Variants in RBP3 observed in about 807,000 individuals in gnomAD.
RBP3 encodes retinol-binding protein 3.
A neutral mutation model predicts 64.8 loss-of-function variants in RBP3; 50 were observed. The observed-to-expected ratio is 0.77, with a 90% CI of 0.61 to 0.98. RBP3 has a LOEUF of 0.98. Among genes scored for constraint, RBP3 ranks in the 50% least tolerant of loss-of-function variants. RBP3 has a pLI of 0.00. For synonymous variants in RBP3, 828 were observed against 730.2 expected, an observed-to-expected ratio of 1.13 and a Z score of -2.16; for missense variants, 1,712 against 1,660.5, an observed-to-expected ratio of 1.03 and a Z score of -0.54.
chr10:47,351,493 C>T lies in RBP3; in HGVS notation c.3009C>T (p.Ile1003=). 1 of 1,613,836 alleles carries T rather than the reference C, an allele frequency of 6.2e-7. No individual in the cohort carries two copies. Among genetic ancestry groups the T allele is most frequent in the Non-Finnish European group, 8.5e-7 (1 of 1,180,048 alleles). ...SGDPHLKAAH[I]PENAKDRIPG... ...ACCCACACCTGAAGGCAGCCCATAT[C>T]CCTGAGAATGCCAAGGACCGCATTC... Residue 1003 remains isoleucine, a synonymous_variant, in exon 1 of 4, where the codon ATC becomes ATT. Transcript: ENST00000584701.
At position 47,350,602 on chromosome 10, in the gene RBP3, C is replaced by A. The variant is rs782605269; in HGVS notation, c.2118C>A (p.Gly706=). Residue 706 remains glycine, a synonymous_variant, in exon 1 of 4, where the codon GGC becomes GGA. Coordinates refer to ENST00000584701, the MANE Select transcript of RBP3 (RefSeq NM_002900.3). ...DHRLLVFHSP[G]ELVVEEAPPP... is the part of the protein sequence containing the mutation. ...GCTTGCTAGTGTTCCACAGCCCTGG[C>A]GAGCTGGTGGTAGAGGAAGCACCCC... 3.7e-6 allele frequency: 6 copies of A among 1,612,934 alleles called. No homozygotes were observed. The East Asian group carries it at 6.7e-5, about 18-fold the overall frequency.
In RBP3 at chr10:47,348,554, C is replaced by T; in HGVS notation, c.70C>T (p.Gln24Ter). ...CCTGGCTGGCCCCACACACCTGTTC[C>T]AGCCAAGCCTGGTGCTGGACATGGC... is the stretch of plus-strand genomic sequence containing the variant. The part of the protein sequence containing the change: ...CGLAGPTHLF[Q>*]PSLVLDMAKV... Residue 24 changes from glutamine (Q) to a stop codon, truncating the protein, a stop_gained, in exon 1 of 4, where the codon CAG becomes TAG. Coordinates refer to ENST00000584701, the MANE Select transcript of RBP3 (RefSeq NM_002900.3). LOFTEE classifies it high-confidence loss of function. 1.9e-6 allele frequency: 3 copies of T among 1,612,554 alleles called. No individual in the cohort carries two copies. Among genetic ancestry groups the T allele is most frequent in the Non-Finnish European group, 2.5e-6 (3 of 1,180,024 alleles).
rs201572374 is a variant in RBP3, at chr10:47,349,899, A to G, written c.1415A>G (p.Glu472Gly). The change falls in exon 1 of 4, where the codon GAG becomes GGG. Residue 472 changes from glutamate to glycine, a missense_variant. Physicochemically the swap from Glu to Gly is moderately conservative, Grantham distance 98. Coordinates refer to ENST00000584701, the MANE Select transcript of RBP3 (RefSeq NM_002900.3). The part of the protein sequence containing the change: ...RQVWEPLQDT[E>G]HLIMDLRHNP... ...GTGTGGGAGCCGCTACAGGACACGG[A>G]GCACCTCATCATGGACCTGCGCCAC... 6.2e-7 allele frequency: 1 copy of G among 1,613,010 alleles called. No homozygotes were observed. Among genetic ancestry groups the G allele is most frequent in the Non-Finnish European group, 8.5e-7 (1 of 1,179,940 alleles).
In RBP3 at chr10:47,350,924, G is replaced by A; in HGVS notation, c.2440G>A (p.Asp814Asn). The change falls in exon 1 of 4, where the codon GAC becomes AAC. Residue 814 changes from aspartate to asparagine, a missense_variant. Coordinates refer to ENST00000584701, the MANE Select transcript of RBP3 (RefSeq NM_002900.3). ...CCGCCAGCACCTGTATTCTGTCTTTGACAGGGCCACCTCAAAAGTCACGGA... is the reference window on the plus strand; with the variant it reads ...CCGCCAGCACCTGTATTCTGTCTTTAACAGGGCCACCTCAAAAGTCACGGA... ...EPRQHLYSVF[D>N]RATSKVTEVW... 2 of 1,613,026 alleles carry A rather than the reference G, an allele frequency of 1.2e-6. No individual in the cohort carries two copies. Among genetic ancestry groups the A allele is most frequent in the Non-Finnish European group, 1.7e-6 (2 of 1,180,010 alleles).
intron 3 of RBP3, among the ~76,000 whole-genome samples, chr10:47,356,773 C>A (rs1837052194): frequency 6.6e-6 from 1 of 152,154 alleles, no homozygotes; most frequent in Non-Finnish European, 1.5e-5. Flanking sequence ...AAAAGGAAGT[C>A]AGGTCGGTTT....
chr10:47,350,931 C>T lies in RBP3; in HGVS notation c.2447C>T (p.Ala816Val), dbSNP rs1555211473. The part of the protein sequence containing the change: ...RQHLYSVFDR[A>V]TSKVTEVWTL... ...CACCTGTATTCTGTCTTTGACAGGGCCACCTCAAAAGTCACGGAGGTGTGG... is the reference window on the plus strand; with the variant it reads ...CACCTGTATTCTGTCTTTGACAGGGTCACCTCAAAAGTCACGGAGGTGTGG... Residue 816 changes from alanine (A) to valine (V), a missense_variant, in exon 1 of 4, where the codon GCC becomes GTC. Physicochemically the swap from Ala to Val is moderately conservative, Grantham distance 64. Transcript: ENST00000584701. The T allele has an allele frequency of 1.9e-6, 3 of 1,612,972 alleles. No individual in the cohort carries two copies. The highest frequency in any genetic ancestry group is 1.1e-5 in the South Asian group (1 of 91,062).
Position 47,348,749 on chromosome 10 carries a change from A to G in RBP3, c.265A>G (p.Ile89Val), listed in dbSNP as rs782765523. The change falls in exon 1 of 4, where the codon ATC becomes GTC. Residue 89 changes from isoleucine to valine, a missense_variant. Transcript: ENST00000584701. ...CTCCCTGAACGATCCTCGCCTGGTC[A>G]TCTCCTATGAGCCCAGCACCCCCGA... ...QSSLNDPRLVISYEPSTPEPP... is the reference protein window; with the variant it reads ...QSSLNDPRLVVSYEPSTPEPP... The G allele has an allele frequency of 6.8e-6, 11 of 1,613,436 alleles. No homozygotes were observed. The South Asian group carries it at 7.7e-5, about 11-fold the overall frequency.
intron 3 of RBP3, among the ~76,000 whole-genome samples, chr10:47,356,843 T>G (rs1837053085): frequency 6.6e-6 from 1 of 152,226 alleles, no homozygotes; most frequent in Non-Finnish European, 1.5e-5. Flanking sequence ...GTCAAGCCTT[T>G]CCTATCACTT....
chr10:47,357,162 C>T lies in RBP3; in HGVS notation c.3449C>T (p.Thr1150Ile). 6.2e-7 allele frequency: 1 copy of T among 1,613,600 alleles called. No homozygotes were observed. The highest frequency in any genetic ancestry group is 8.5e-7 in the Non-Finnish European group (1 of 1,179,958). The change falls in exon 4 of 4, where the codon ACC becomes ATC. Residue 1150 changes from threonine (T) to isoleucine (I), a missense_variant. By Grantham distance (89) the Thr-to-Ile change is moderately conservative (BLOSUM62 -1). Transcript: ENST00000584701. ...CTGACCAGCAGTGTGACGGCCGGCA[C>T]CGCGGAGGAGTTCACCTATATCATG... The part of the protein sequence containing the change: ...VILTSSVTAG[T>I]AEEFTYIMKR...
In RBP3 at chr10:47,348,981, T is replaced by C; in HGVS notation, c.497T>C (p.Val166Ala). 6.2e-7 allele frequency: 1 copy of C among 1,613,946 alleles called. No homozygotes were observed. Among genetic ancestry groups the C allele is most frequent in the African/African-American group, 1.3e-5 (1 of 75,036 alleles). The change falls in exon 1 of 4, where the codon GTG becomes GCG. Residue 166 changes from valine to alanine, a missense_variant. By Grantham distance (64) the Val-to-Ala change is moderately conservative. Transcript: ENST00000584701. The stretch of plus-strand genomic sequence containing the variant: ...AATCTCATGGGCACCTCCGCCTTAG[T>C]GCTGGATCTCCGGCACTGCACAGGA... ...WGNLMGTSAL[V>A]LDLRHCTGGQ...
chr10:47,357,734 AT>A lies in RBP3; in HGVS notation c.*282del. Reference sequence around the variant, plus strand: ...TCTAAGTGGTAGAACTTGGGGTGGTATTTTTACCTTCCTTCTTCATACTTTG... The same window carrying A: ...TCTAAGTGGTAGAACTTGGGGTGGTATTTTACCTTCCTTCTTCATACTTTG... On this transcript the variant is annotated 3_prime_UTR_variant, in exon 4 of 4. Coordinates refer to ENST00000584701, the MANE Select transcript of RBP3 (RefSeq NM_002900.3). 3.0e-6 allele frequency: 1 copy of A among 328,742 alleles called. No individual in the cohort carries two copies. The highest frequency in any genetic ancestry group is 4.3e-5 in the Admixed American group (1 of 22,998). The allele number at this position is 328,742 out of a possible 1,614,324, so 20.4% of individuals were successfully genotyped here.
chr10:47,354,643 A>C (rs1837022525), intron 2 of RBP3, among the ~76,000 whole-genome samples: 1 of 152,210 alleles, frequency 6.6e-6, no homozygotes, highest in Non-Finnish European at 1.5e-5. Context: ...TTTAAAGAGG[A>C]GATGGCCCCA....
At position 47,350,379 on chromosome 10, in the gene RBP3, T is replaced by C. The variant is rs781807941; in HGVS notation, c.1895T>C (p.Phe632Ser). Residue 632 changes from phenylalanine to serine, a missense_variant, in exon 1 of 4, where the codon TTC becomes TCC. Phe to Ser is a radical substitution (Grantham distance 155). Transcript: ENST00000584701. Reference protein sequence around the residue: ...ALDKAQEVLEFHQSLGALVEG... With the variant: ...ALDKAQEVLESHQSLGALVEG... Reference sequence around the variant, plus strand: ...GACAAAGCCCAGGAAGTGCTGGAGTTCCACCAAAGCCTGGGGGCCTTGGTG... The same window carrying C: ...GACAAAGCCCAGGAAGTGCTGGAGTCCCACCAAAGCCTGGGGGCCTTGGTG... 6.2e-7 allele frequency: 1 copy of C among 1,612,484 alleles called. No homozygotes were observed. The highest frequency in any genetic ancestry group is 8.5e-7 in the Non-Finnish European group (1 of 1,179,914).
In RBP3 at chr10:47,348,896, G is replaced by C; in HGVS notation, c.412G>C (p.Val138Leu). 2 of 1,613,826 alleles carry C rather than the reference G, an allele frequency of 1.2e-6. No individual in the cohort carries two copies. Among genetic ancestry groups the C allele is most frequent in the African/African-American group, 2.7e-5 (2 of 75,060 alleles). The change falls in exon 1 of 4, where the codon GTC (valine) becomes CTC (leucine). Residue 138 changes from valine to leucine, a missense_variant. Transcript: ENST00000584701. ...TGTGGGCTACCTGCGGGTGGACAGC[G>C]TCCCGGGCCAGGAGGTGCTGAGCAT... ...GNVGYLRVDS[V>L]PGQEVLSMMG...
chr10:47,349,186 G>A lies in RBP3; in HGVS notation c.702G>A (p.Gln234=). The A allele has an allele frequency of 6.2e-7, 1 of 1,613,732 alleles. No individual in the cohort carries two copies. The highest frequency in any genetic ancestry group is 8.5e-7 in the Non-Finnish European group (1 of 1,180,042). Residue 234 remains glutamine, a synonymous_variant, in exon 1 of 4, where the codon CAG becomes CAA. Transcript: ENST00000584701. ...ATGTGGTGGTCCTCACCAGCAGCCA[G>A]ACCAGGGGCGTGGCCGAGGACATCG... ...DKDVVVLTSS[Q]TRGVAEDIAH...
rs781964500 is a variant in RBP3, at chr10:47,350,764, G to A, written c.2280G>A (p.Val760=). 3.7e-6 allele frequency: 6 copies of A among 1,613,184 alleles called. No individual in the cohort carries two copies. In the South Asian group the frequency reaches 4.4e-5, roughly 12 times the overall value. The part of the protein sequence containing the change: ...AMAELETVKA[V]GPQLVRLVWQ... ...CTGAACTGGAGACAGTGAAGGCCGTGGGGCCACAGCTGGTGCGGCTGGTAT... is the reference window on the plus strand; with the variant it reads ...CTGAACTGGAGACAGTGAAGGCCGTAGGGCCACAGCTGGTGCGGCTGGTAT... Residue 760 remains valine, a synonymous_variant, in exon 1 of 4, where the codon GTG becomes GTA. Transcript: ENST00000584701.
rs541491747 is a variant in RBP3, at chr10:47,353,961, TG to T, written c.3245+449del. On this transcript the variant is annotated intron_variant, in intron 2 of 3. Transcript: ENST00000584701. ...GTGTGAGACAGCCAGGCCCCCCACC[TG>T]GGAGTGTGCCTCACATCATACAAAA... 5.7e-3 allele frequency among the ~76,000 whole-genome samples: 861 copies of T among 152,334 alleles called. 1 individual carries two copies. The highest frequency in any genetic ancestry group is 8.2e-3 in the Non-Finnish European group (555 of 68,034).
At position 47,349,619 on chromosome 10, in the gene RBP3, G is replaced by A. The variant is rs781840247; in HGVS notation, c.1135G>A (p.Ala379Thr). 12 of 1,612,634 alleles carry A rather than the reference G, an allele frequency of 7.4e-6. No individual in the cohort carries two copies. Among genetic ancestry groups the A allele is most frequent in the Non-Finnish European group, 1.0e-5 (12 of 1,180,008 alleles). ...CAAGCTCAATGCCGGCCTGCAGGCT[G>A]CGTCTGAGGATCCCAGGCTCCTGGT... ...VTKLNAGLQAASEDPRLLVRA... is the reference protein window; with the variant it reads ...VTKLNAGLQATSEDPRLLVRA... The change falls in exon 1 of 4, where the codon GCG becomes ACG. Residue 379 changes from alanine (A) to threonine (T), a missense_variant. Physicochemically the swap from Ala to Thr is moderately conservative, Grantham distance 58. Transcript: ENST00000584701.
chr10:47,357,003 C>T (rs544694084), intron 3 of RBP3, 99 bp from the exon 4 acceptor site: 9 of 1,103,790 alleles, frequency 8.2e-6, no homozygotes, highest in African/African-American at 6.2e-5. Context: ...CCTAAACCCC[C>T]GGGCCTCCTC....
Sources: allele counts gnomAD v4.1 joint callset (sites outside exome capture counted in the v4.1 genomes callset), GRCh38; gene constraint gnomAD v4.1.1; transcripts MANE v1.5; gene names NCBI Gene and HGNC (gene_info 2026-07-23, HGNC 2026-07-21).